Variants in CSMD1 observed in about 807,000 individuals in gnomAD.
The protein encoded by CSMD1 is CUB and Sushi multiple domains 1, also known as CUB and sushi domain-containing protein 1.
In CSMD1, 213 loss-of-function variants were observed where a neutral mutation model predicts 417.5. That is an observed-to-expected ratio of 0.51 (90% confidence interval 0.46 to 0.57). The LOEUF is 0.57. CSMD1 is among the 20% of genes least tolerant of loss of function. The probability of loss-of-function intolerance (pLI) is 0.00; values close to 1 mark genes in which losing one functional copy is unlikely to be tolerated. For missense variants in CSMD1, 6,923 were observed against 4,529.7 expected (o/e 1.53, Z -15.17); for synonymous variants, 2,862 against 1,736.8 (o/e 1.65, Z -16.11).
intron 3 of CSMD1, among the ~76,000 whole-genome samples, chr8:4,382,310 G>T (rs963105467): frequency 6.6e-6 from 1 of 152,156 alleles, no homozygotes; most frequent in Non-Finnish European, 1.5e-5. Flanking sequence ...AAAAAGAGAG[G>T]AGTTATATGT....
At chr8:4,850,244 T>G (rs1356555397) in intron 1 of CSMD1, among the ~76,000 whole-genome samples, 1 of 152,196 alleles carries the variant, frequency 6.6e-6, no homozygotes, top group Non-Finnish European at 1.5e-5. Context: ...CCAAGAGTAC[T>G]TTCTATGTTC....
chr8:4,599,873 A>T (rs1016109659), intron 2 of CSMD1, among the ~76,000 whole-genome samples: 2 of 152,340 alleles, frequency 1.3e-5, no homozygotes, highest in African/African-American at 4.8e-5. Flanking sequence ...TTAAAGTTAC[A>T]TTCAAAGAGT....
chr8:3,076,466 C>G (rs1409124122), intron 49 of CSMD1, among the ~76,000 whole-genome samples: 1 of 152,184 alleles, frequency 6.6e-6, no homozygotes. Flanking sequence ...TTTGAGGGGA[C>G]TCAATTCAAC....
chr8:3,599,730 A>T (rs1171037649), intron 8 of CSMD1, among the ~76,000 whole-genome samples: 1 of 152,152 alleles, frequency 6.6e-6, no homozygotes, highest in Non-Finnish European at 1.5e-5. Flanking sequence ...GCGCCAACCT[A>T]TACCTTGCAC....
intron 9 of CSMD1, among the ~76,000 whole-genome samples, chr8:3,577,039 A>G (rs146641284): frequency 3.9e-5 from 6 of 152,178 alleles, no homozygotes; most frequent in African/African-American, 1.4e-4. Context: ...CATCTGAAAA[A>G]CATCTGCAGG....
intron 3 of CSMD1, among the ~76,000 whole-genome samples, chr8:4,157,286 C>G (rs531031827): frequency 7.9e-5 from 12 of 152,314 alleles, no homozygotes; most frequent in African/African-American, 2.4e-4. Context: ...TTTAGTGATG[C>G]AATTGCAGAG....
At position 3,230,156 on chromosome 8, in the gene CSMD1, C is replaced by T. The variant is rs1414213561; in HGVS notation, c.4229G>A (p.Gly1410Glu). 1 of 1,613,562 alleles carries T rather than the reference C, an allele frequency of 6.2e-7. No individual in the cohort carries two copies. Among genetic ancestry groups the T allele is most frequent in the South Asian group, 1.1e-5 (1 of 91,064 alleles). ...GTRYGDSREA[G>E]DTVTFQCDPG... ...GTCACACTGGAATGTGACGGTGTCT[C>T]CAGCCTCTCTGCTGTCTCCATAGCG... The change falls in exon 27 of 70, where the codon GGA (glycine) becomes GAA (glutamate). Residue 1410 changes from glycine (G) to glutamate (E), a missense_variant. Coordinates refer to ENST00000635120, the MANE Select transcript of CSMD1 (RefSeq NM_033225.6).
chr8:4,063,877 C>A (rs940449006), intron 3 of CSMD1, among the ~76,000 whole-genome samples: 1 of 152,168 alleles, frequency 6.6e-6, no homozygotes, highest in Non-Finnish European at 1.5e-5. Flanking sequence ...GCATTTTACA[C>A]GTAGCTGAAA....
intron 55 of CSMD1, among the ~76,000 whole-genome samples, chr8:2,975,416 G>C (rs1439567318): frequency 6.6e-6 from 1 of 152,100 alleles, no homozygotes; most frequent in African/African-American, 2.4e-5. Context: ...GACTACCAAG[G>C]AATTACTCAA....
chr8:3,289,392 G>T (rs1178918362), intron 25 of CSMD1, among the ~76,000 whole-genome samples: 2 of 147,424 alleles, frequency 1.4e-5, no homozygotes, highest in African/African-American at 5.4e-5. Context: ...GATCCCTGAG[G>T]AATCGCCACA....
intron 3 of CSMD1, among the ~76,000 whole-genome samples, chr8:4,117,285 ATG>A (rs1802210093): frequency 2.0e-5 from 3 of 151,740 alleles, no homozygotes; most frequent in South Asian, 2.1e-4. Context: ...TCGAAGCAGC[ATG>A]CGTGGCTGGC....
intron 2 of CSMD1, among the ~76,000 whole-genome samples, chr8:4,470,710 AAAG>A (rs1445672302): frequency 3.3e-5 from 5 of 152,224 alleles, no homozygotes; most frequent in African/African-American, 9.6e-5. Flanking sequence ...GTAAAGACAA[AAAG>A]AAGAAAGGTA....
chr8:3,624,022 A>G (rs1404333423), intron 7 of CSMD1, among the ~76,000 whole-genome samples: 2 of 152,204 alleles, frequency 1.3e-5, no homozygotes, highest in Non-Finnish European at 2.9e-5. Context: ...CTCTGGCCAT[A>G]ATTACCTTAT....
At chr8:3,776,323 C>T (rs1563068596) in intron 5 of CSMD1, among the ~76,000 whole-genome samples, 1 of 152,136 alleles carries the variant, frequency 6.6e-6, no homozygotes, top group Non-Finnish European at 1.5e-5. Context: ...AATTAGATCA[C>T]ATTGCACCTT....
At chr8:4,927,849 G>C (rs542854651) in intron 1 of CSMD1, among the ~76,000 whole-genome samples, 1 of 152,128 alleles carries the variant, frequency 6.6e-6, no homozygotes, top group East Asian at 1.9e-4. Context: ...CTGCCTTCAA[G>C]ATATACCCAG....
At chr8:4,082,531 G>C (rs980367439) in intron 3 of CSMD1, among the ~76,000 whole-genome samples, 1 of 151,938 alleles carries the variant, frequency 6.6e-6, no homozygotes, top group African/African-American at 2.4e-5. Context: ...AAACTAAAAG[G>C]AAACACACAA....
chr8:4,082,761 C>T (rs1415042713), intron 3 of CSMD1, among the ~76,000 whole-genome samples: 1 of 108,130 alleles, frequency 9.2e-6, no homozygotes. Flanking sequence ...CTATCCCTCC[C>T]CCCTCCCCCC....
intron 49 of CSMD1, among the ~76,000 whole-genome samples, chr8:3,059,940 C>T (rs1274867248): frequency 6.6e-6 from 1 of 151,992 alleles, no homozygotes; most frequent in Non-Finnish European, 1.5e-5. Flanking sequence ...GCAGTGGGAT[C>T]GTGAGGCACA....
chr8:4,747,883 C>T (rs4875375), intron 1 of CSMD1, among the ~76,000 whole-genome samples: 3 of 152,276 alleles, frequency 2.0e-5, no homozygotes, highest in Admixed American at 6.5e-5. Flanking sequence ...ACCAGGATAT[C>T]TGTTGTTGCT....
Sources: allele counts gnomAD v4.1 joint callset (sites outside exome capture counted in the v4.1 genomes callset), GRCh38; gene constraint gnomAD v4.1.1; transcripts MANE v1.5; gene names NCBI Gene and HGNC (gene_info 2026-07-23, HGNC 2026-07-21).